The following CDKL3 variants were observed in gnomAD, a reference collection of about 807,000 sequenced individuals.
The protein encoded by CDKL3 is cyclin dependent kinase like 3, also known as cyclin-dependent kinase-like 3.
Under a neutral mutation model 69.3 loss-of-function variants are expected in CDKL3, and 65 were observed. The observed-to-expected ratio is 0.94, with a 90% confidence interval of 0.77 to 1.15. CDKL3 has a LOEUF of 1.15. Among genes scored for constraint, CDKL3 ranks in the 50% most tolerant of loss-of-function variants. The pLI is 0.00. For missense variants in CDKL3, 652 were observed against 689.2 expected, an observed-to-expected ratio of 0.95 and a Z score of 0.61; for synonymous variants, 202 against 221.6, an observed-to-expected ratio of 0.91 and a Z score of 0.79.
rs1045054734 is a variant in CDKL3, at chr5:134,330,022, TTAATAA to T, written c.540-8125_540-8120del. Among the ~76,000 whole-genome samples the T allele has an allele frequency of 4.0e-5, 6 of 149,478 alleles. No individual in the cohort carries two copies. The East Asian group carries it at 5.9e-4, about 15-fold the overall frequency. On this transcript the variant is annotated intron_variant, in intron 4 of 12. Coordinates refer to ENST00000265334, the MANE Select transcript of CDKL3 (RefSeq NM_001113575.2). ...GAGACCCTGTCTCAAAAAAAAAAAA[TTAATAA>T]TAATAATAATGATACTCTAAGAAAA...
chr5:134,369,192 C>T (rs946495398), upstream of CDKL3, among the ~76,000 whole-genome samples: 5 of 152,204 alleles, frequency 3.3e-5, no homozygotes, highest in South Asian at 1.0e-3. Context: ...CAAGGACAGC[C>T]AGTGATTCTT....
intron 4 of CDKL3, among the ~76,000 whole-genome samples, chr5:134,335,340 T>C (rs574637846): frequency 1.3e-5 from 2 of 152,320 alleles, no homozygotes; most frequent in South Asian, 4.1e-4. Flanking sequence ...TTAATATTAT[T>C]ATGTGTGAAT....
At chr5:134,311,763 A>T (rs1580873881) in intron 7 of CDKL3, among the ~76,000 whole-genome samples, 2 of 152,222 alleles carry the variant, frequency 1.3e-5, no homozygotes, top group South Asian at 4.2e-4. Context: ...CTGTGTAACG[A>T]ATGTTAGTTG....
At position 134,298,686 on chromosome 5, in the gene CDKL3, T is replaced by C; in HGVS notation, c.1744A>G (p.Lys582Glu). ...AAAAACCTGTTTCTCTTCAAATTCT[T>C]CCCCTCGCAATGGCCATCTCCACCC... ...QEGGDGHCEG[K>E]NLKRNRFFFW is the part of the protein sequence containing the mutation. Residue 582 changes from lysine to glutamate, a missense_variant, in exon 13 of 13, where the codon AAG (lysine) becomes GAG (glutamate). By Grantham distance (56) the Lys-to-Glu change is moderately conservative. Transcript: ENST00000265334. 1 of 1,613,058 alleles carries C rather than the reference T, an allele frequency of 6.2e-7. No homozygotes were observed. Among genetic ancestry groups the C allele is most frequent in the South Asian group, 1.1e-5 (1 of 90,902 alleles).
chr5:134,322,962 AG>A (rs1289216451), intron 4 of CDKL3, among the ~76,000 whole-genome samples: 3 of 151,762 alleles, frequency 2.0e-5, no homozygotes, highest in Non-Finnish European at 2.9e-5. Context: ...CTGGGCAACA[AG>A]AGCAAAACTC....
At chr5:134,368,535 C>T (rs1427340433), upstream of CDKL3, among the ~76,000 whole-genome samples, 2 of 138,822 alleles carry the variant, frequency 1.4e-5, no homozygotes, top group African/African-American at 2.7e-5. Context: ...AGGAGAATGG[C>T]GTGAATCCGG....
intron 4 of CDKL3, among the ~76,000 whole-genome samples, chr5:134,334,718 G>T (rs1007151294): frequency 6.6e-6 from 1 of 152,220 alleles, no homozygotes; most frequent in Non-Finnish European, 1.5e-5. Flanking sequence ...TTGCTGAGGA[G>T]TGTTTTACTT....
chr5:134,350,738 G>T (rs1034545030), intron 3 of CDKL3, among the ~76,000 whole-genome samples: 27 of 151,306 alleles, frequency 1.8e-4, no homozygotes, highest in African/African-American at 6.1e-4. Flanking sequence ...CTAGTACTTT[G>T]GGAGGCCAAG....
At chr5:134,320,873 C>CA (rs879614985) in intron 5 of CDKL3, among the ~76,000 whole-genome samples, 1,214 of 115,454 alleles carry the variant, frequency 0.011, 6 homozygotes, top group Middle Eastern at 0.035. Context: ...GACTCCCTCT[C>CA]AAAAAAAAAA....
At chr5:134,305,154 T>G (rs1330698370) in intron 10 of CDKL3, among the ~76,000 whole-genome samples, 1 of 151,996 alleles carries the variant, frequency 6.6e-6, no homozygotes, top group African/African-American at 2.4e-5. Context: ...CTTGCTTTGT[T>G]GTCCAGGCTG....
In CDKL3 at chr5:134,328,339, T is replaced by C. The variant is rs1164668491; in HGVS notation, c.540-6436A>G. Reference sequence around the variant, plus strand: ...TCAAGAGATATAAATTACATGTATATATGTATAAAGAAGAACCAAGTGGAA... The same window carrying C: ...TCAAGAGATATAAATTACATGTATACATGTATAAAGAAGAACCAAGTGGAA... On this transcript the variant is annotated intron_variant, in intron 4 of 12. Transcript: ENST00000265334. 2.0e-5 allele frequency among the ~76,000 whole-genome samples: 3 copies of C among 152,158 alleles called. No homozygotes were observed. In the East Asian group the frequency reaches 5.8e-4, roughly 29 times the overall value.
chr5:134,352,969 T>G (rs1753698333), intron 3 of CDKL3, among the ~76,000 whole-genome samples: 1 of 152,226 alleles, frequency 6.6e-6, no homozygotes, highest in Non-Finnish European at 1.5e-5. Flanking sequence ...GCCTGTGCTT[T>G]TGGGTTCATA....
In CDKL3 at chr5:134,321,910, C is replaced by T. The variant is rs1580963594; in HGVS notation, c.540-7G>A. ...AGCCCAGATATCCACAGGTCTGAAA[C>T]AGATCAGGGAAAAAAAAATCACTTT... On this transcript the variant is annotated splice_polypyrimidine_tract_variant and splice_region_variant and intron_variant, in intron 4 of 12. Transcript: ENST00000265334. 16 of 1,479,366 alleles carry T rather than the reference C, an allele frequency of 1.1e-5. No individual in the cohort carries two copies. Among genetic ancestry groups the T allele is most frequent in the Non-Finnish European group, 1.5e-5 (16 of 1,075,620 alleles). 91.6% of individuals were successfully genotyped at this position (1,479,366 alleles called of 1,614,324 possible).
intron 8 of CDKL3, among the ~76,000 whole-genome samples, chr5:134,291,160 T>C (rs995996407): frequency 2.6e-5 from 4 of 152,108 alleles, no homozygotes; most frequent in Admixed American, 1.3e-4. Context: ...AGGAAGCATA[T>C]GGAGTGAGGA....
At chr5:134,290,697 GT>G (rs879424283) in intron 8 of CDKL3, among the ~76,000 whole-genome samples, 20 of 148,052 alleles carry the variant, frequency 1.4e-4, no homozygotes, top group Admixed American at 2.0e-4. Flanking sequence ...TCTGATTTAA[GT>G]TTTTTTTTTT....
At chr5:134,307,556 C>T (rs1408650206) in intron 9 of CDKL3, among the ~76,000 whole-genome samples, 2 of 152,144 alleles carry the variant, frequency 1.3e-5, no homozygotes, top group African/African-American at 4.8e-5. Flanking sequence ...ATGACAGTAG[C>T]CTCCCTAAAT....
downstream of CDKL3, among the ~76,000 whole-genome samples, chr5:134,295,323 T>C (rs1487466181): frequency 6.6e-6 from 1 of 152,186 alleles, no homozygotes; most frequent in Non-Finnish European, 1.5e-5. Context: ...GGCCTTGATA[T>C]TGTTAAGATA....
Position 134,314,677 on chromosome 5 carries a change from T to C in CDKL3, c.793-2297A>G, listed in dbSNP as rs1770530804. On this transcript the variant is annotated intron_variant, in intron 6 of 12. Transcript: ENST00000265334. ...ACATGAATGAATCTCTAAACCATTA[T>C]GCTGAGTGGAAGAAGCCAGACATGA... Among the ~76,000 whole-genome samples the C allele has an allele frequency of 2.0e-5, 3 of 152,240 alleles. 1 individual carries two copies. The South Asian group carries it at 6.2e-4, about 32-fold the overall frequency.
At chr5:134,297,071 G>A (rs1168184532), downstream of CDKL3, among the ~76,000 whole-genome samples, 1 of 150,568 alleles carries the variant, frequency 6.6e-6, no homozygotes, top group South Asian at 2.1e-4. Flanking sequence ...CCTGCCTCAG[G>A]CTCCCGAGTA....
Sources: gnomAD v4.1 joint callset for allele counts (sites outside exome capture counted in the v4.1 genomes callset) on GRCh38, gnomAD v4.1.1 for gene constraint, MANE v1.5 for transcripts, NCBI Gene and HGNC (gene_info 2026-07-23, HGNC 2026-07-21) for gene names.